Variants in LIPH observed in about 807,000 individuals in gnomAD.
LIPH encodes the protein lipase member H.
In LIPH, 32 loss-of-function variants were observed where a neutral mutation model predicts 47.6. The observed-to-expected ratio is 0.67, with a 90% CI of 0.51 to 0.90. The LOEUF is 0.90. LIPH is among the 40% of genes least tolerant of loss of function. The pLI, the probability that LIPH is intolerant of heterozygous loss-of-function variation, is 0.00. For missense variants in LIPH, 497 were observed against 541.4 expected (o/e 0.92, Z 0.81); for synonymous variants, 190 against 195.6 (o/e 0.97, Z 0.24).
intron 8 of LIPH, among the ~76,000 whole-genome samples, chr3:185,513,070 C>T (rs547126748): frequency 2.0e-5 from 3 of 152,188 alleles, no homozygotes; most frequent in East Asian, 3.9e-4. Context: ...AAGCCGGGCA[C>T]GGTGGCTCAT....
chr3:185,549,798 G>A (rs1415678984), intron 1 of LIPH, among the ~76,000 whole-genome samples: 1 of 152,068 alleles, frequency 6.6e-6, no homozygotes, highest in Non-Finnish European at 1.5e-5. Context: ...GGGCTCAAGC[G>A]ATCCTCCCAC....
chr3:185,536,456 G>T (rs1720504818), intron 1 of LIPH, among the ~76,000 whole-genome samples: 1 of 152,140 alleles, frequency 6.6e-6, no homozygotes, highest in African/African-American at 2.4e-5. Flanking sequence ...GGAAGCATTT[G>T]CTCTGGGTCC....
intron 2 of LIPH, among the ~76,000 whole-genome samples, chr3:185,534,052 C>A (rs770704188): frequency 6.6e-6 from 1 of 152,188 alleles, no homozygotes; most frequent in Admixed American, 6.5e-5. Context: ...GGAGAAACCC[C>A]GTCTTTACTA....
rs1293841200 is a variant in LIPH, at chr3:185,519,378, C to T, written c.719-69G>A. On this transcript the variant is annotated intron_variant, in intron 5 of 9. Transcript: ENST00000296252. ...ATTTAGTAATACTATATCACATATT[C>T]TATACACACACAATTTCTCATCTGG... 2.0e-5 allele frequency: 18 copies of T among 919,946 alleles called. No homozygotes were observed. In the Admixed American group the frequency reaches 2.7e-4, roughly 14 times the overall value. The allele number at this position is 919,946 out of a possible 1,614,324, so 57.0% of individuals were successfully genotyped here.
intron 9 of LIPH, among the ~76,000 whole-genome samples, chr3:185,509,368 C>G (rs1373037675): frequency 1.3e-5 from 2 of 152,110 alleles, no homozygotes; most frequent in East Asian, 3.9e-4. Context: ...GTGGTTCACG[C>G]TTGTAATCCC....
chr3:185,507,401 G>T lies in LIPH; in HGVS notation c.*1389C>A, dbSNP rs554732761. On this transcript the variant is annotated 3_prime_UTR_variant, in exon 10 of 10. Coordinates refer to ENST00000296252, the MANE Select transcript of LIPH (RefSeq NM_139248.3). Reference sequence around the variant, plus strand: ...GAGAGTCAATTTCTTCATAACAAAGGCTATTTTCACAGATAGCAGTTGAAG... The same window carrying T: ...GAGAGTCAATTTCTTCATAACAAAGTCTATTTTCACAGATAGCAGTTGAAG... 1.3e-5 allele frequency: 2 copies of T among 151,798 alleles called. No individual in the cohort carries two copies. Among genetic ancestry groups the T allele is most frequent in the South Asian group, 2.1e-4 (1 of 4,800 alleles). 9.4% of individuals were successfully genotyped at this position (151,798 alleles called of 1,614,324 possible). A position where few individuals can be genotyped will look rare whatever the true frequency, so the allele number is the denominator to read the frequency against.
chr3:185,508,863 C>G lies in LIPH; in HGVS notation c.1283G>C (p.Arg428Pro), dbSNP rs764473746. The G allele has an allele frequency of 7.4e-6, 12 of 1,611,998 alleles. No individual in the cohort carries two copies. The highest frequency in any genetic ancestry group is 1.0e-5 in the Non-Finnish European group (12 of 1,178,318). The change falls in exon 10 of 10, where the codon CGG (arginine) becomes CCG (proline). Residue 428 changes from arginine to proline, a missense_variant. By Grantham distance (103) the Arg-to-Pro change is moderately radical (BLOSUM62 -2). Transcript: ENST00000296252. The part of the protein sequence containing the change: ...LAHPERPQLC[R>P]YDLVLMENVE... ...GTTTTCCATCAGGACAAGATCATACCGACACAGCTGAGGCCTGGGAAAATA... is the reference window on the plus strand; with the variant it reads ...GTTTTCCATCAGGACAAGATCATACGGACACAGCTGAGGCCTGGGAAAATA...
At chr3:185,537,759 T>C (rs73885745) in intron 1 of LIPH, among the ~76,000 whole-genome samples, 2,604 of 152,234 alleles carry the variant, frequency 0.017, 98 homozygotes, top group African/African-American at 0.059. Flanking sequence ...GAGATCATAC[T>C]TGAGAAGACA....
chr3:185,548,565 TAA>T (rs1232838821), intron 1 of LIPH, among the ~76,000 whole-genome samples: 2 of 148,420 alleles, frequency 1.3e-5, no homozygotes, highest in East Asian at 4.1e-4. Context: ...CCATCTCCAC[TAA>T]AAATACAAAA....
At chr3:185,539,986 CT>C (rs1333888627) in intron 1 of LIPH, among the ~76,000 whole-genome samples, 7 of 152,250 alleles carry the variant, frequency 4.6e-5, no homozygotes, top group Non-Finnish European at 8.8e-5. Flanking sequence ...TAATTGGAAA[CT>C]TTGGCTCAAG....
intron 1 of LIPH, among the ~76,000 whole-genome samples, chr3:185,548,220 C>T (rs565626055): frequency 2.6e-5 from 4 of 151,888 alleles, no homozygotes; most frequent in South Asian, 4.2e-4. Context: ...TCCTGGCCAA[C>T]CTGGTGAAAC....
At chr3:185,546,165 CAAAAATAAATAAAT>C (rs1380826641) in intron 1 of LIPH, among the ~76,000 whole-genome samples, 1 of 149,804 alleles carries the variant, frequency 6.7e-6, no homozygotes, top group Non-Finnish European at 1.5e-5. Flanking sequence ...GACTCTGTCT[CAAAAATAAATAAAT>C]AAAAATAAAT....
At chr3:185,514,016 T>C (rs570773827) in intron 8 of LIPH, among the ~76,000 whole-genome samples, 1 of 152,332 alleles carries the variant, frequency 6.6e-6, no homozygotes, top group Non-Finnish European at 1.5e-5. Context: ...GTATACAATG[T>C]GGGATAATTA....
chr3:185,527,344 T>G, intron 4 of LIPH, 140 bp downstream of exon 4: 1 of 733,860 alleles, frequency 1.4e-6, no homozygotes. Flanking sequence ...CTTCAATATT[T>G]CGGTGGATTT....
chr3:185,509,491 G>A (rs1452016347), intron 9 of LIPH, among the ~76,000 whole-genome samples: 5 of 151,752 alleles, frequency 3.3e-5, no homozygotes, highest in African/African-American at 9.7e-5. Context: ...TTAGCTGGGC[G>A]TGGTCGCGTG....
rs748224598 is a variant in LIPH, at chr3:185,552,521, G to T, written c.-50C>A. ...CACATTCACAAGAATGATTTACTTC[G>T]CAGAGGCTTAAGAGTTTCCACTGTG... is the stretch of plus-strand genomic sequence containing the variant. On this transcript the variant is annotated 5_prime_UTR_variant, in exon 1 of 10. Coordinates refer to ENST00000296252, the MANE Select transcript of LIPH (RefSeq NM_139248.3). 7 of 1,309,922 alleles carry T rather than the reference G, an allele frequency of 5.3e-6. No homozygotes were observed. The South Asian group carries it at 7.1e-5, about 13-fold the overall frequency. 81.1% of individuals were successfully genotyped at this position (1,309,922 alleles called of 1,614,324 possible).
In LIPH at chr3:185,514,416, A is replaced by G; in HGVS notation, c.1088T>C (p.Ile363Thr). Residue 363 changes from isoleucine to threonine, a missense_variant, in exon 8 of 10, where the codon ATC (isoleucine) becomes ACC (threonine). Transcript: ENST00000296252. The part of the protein sequence containing the change: ...DKAGNTTESK[I>T]NHEPTTFQKY... The stretch of plus-strand genomic sequence containing the variant: ...CAATTGTAACTCAACTTACTGATTG[A>G]TTTTGGATTCTGTGGTGTTTCCAGC... 1 of 1,445,530 alleles carries G rather than the reference A, an allele frequency of 6.9e-7. No individual in the cohort carries two copies. The highest frequency in any genetic ancestry group is 9.7e-7 in the Non-Finnish European group (1 of 1,026,234). The allele number at this position is 1,445,530 out of a possible 1,614,324, so 89.5% of individuals were successfully genotyped here. A position where few individuals can be genotyped will look rare whatever the true frequency, so the allele number is the denominator to read the frequency against.
chr3:185,530,546 T>A (rs1024997595), intron 3 of LIPH, among the ~76,000 whole-genome samples: 1 of 152,018 alleles, frequency 6.6e-6, no homozygotes, highest in Non-Finnish European at 1.5e-5. Context: ...AGCAGGAGCC[T>A]GTAATCCCAG....
chr3:185,508,731 A>G lies in LIPH; in HGVS notation c.*59T>C. 1 of 1,274,020 alleles carries G rather than the reference A, an allele frequency of 7.8e-7. No homozygotes were observed. Among genetic ancestry groups the G allele is most frequent in the Non-Finnish European group, 1.1e-6 (1 of 870,322 alleles). The allele number at this position is 1,274,020 out of a possible 1,614,324, so 78.9% of individuals were successfully genotyped here. A position where few individuals can be genotyped will look rare whatever the true frequency, so the allele number is the denominator to read the frequency against. ...TGCAGAAAGGTGAGGTGAAGCTTTCAAACAGCCTGTGGTTGTAGCTTTCTT... is the reference window on the plus strand; with the variant it reads ...TGCAGAAAGGTGAGGTGAAGCTTTCGAACAGCCTGTGGTTGTAGCTTTCTT... On this transcript the variant is annotated 3_prime_UTR_variant, in exon 10 of 10. Coordinates refer to ENST00000296252, the MANE Select transcript of LIPH (RefSeq NM_139248.3).
Sources: gnomAD v4.1 joint callset for allele counts (sites outside exome capture counted in the v4.1 genomes callset) on GRCh38, gnomAD v4.1.1 for gene constraint, MANE v1.5 for transcripts, NCBI Gene and HGNC (gene_info 2026-07-23, HGNC 2026-07-21) for gene names.